The following RLBP1 variants were observed in gnomAD, a reference collection of about 807,000 sequenced individuals.
The protein encoded by RLBP1 is retinaldehyde binding protein 1, also known as retinaldehyde-binding protein 1.
In RLBP1, 26 loss-of-function variants were observed where a neutral mutation model predicts 36.2. That is an observed-to-expected ratio of 0.72 (90% confidence interval 0.53 to 1.00). The LOEUF (loss-of-function observed/expected upper bound fraction) is 1.00, where lower values mean the gene tolerates loss of function less well. Ranked by LOEUF, RLBP1 falls within the 50% of genes least tolerant of loss-of-function variation. The pLI is 0.00. For synonymous variants in RLBP1, 155 were observed against 156.2 expected (o/e 0.99, Z 0.06); for missense variants, 410 against 402.4 (o/e 1.02, Z -0.16).
Position 89,210,601 on chromosome 15 carries a change from C to T in RLBP1, c.795+98G>A. The T allele has an allele frequency of 1.6e-6, 2 of 1,230,336 alleles. No homozygotes were observed. Among genetic ancestry groups the T allele is most frequent in the Middle Eastern group, 3.8e-4 (2 of 5,232 alleles). The allele number at this position is 1,230,336 out of a possible 1,614,324, so 76.2% of individuals were successfully genotyped here. On this transcript the variant is annotated intron_variant, in intron 8 of 8. Transcript: ENST00000268125. The surrounding 1 kb of genome is among the most constrained non-coding windows in gnomAD (Gnocchi z 4.7). ...TCTCCATGTTGGGTGTCAGTGGGAT[C>T]CACATAGCTCAGGACCATGGTAGAG... is the stretch of plus-strand genomic sequence containing the variant.
rs764294999 is a variant in RLBP1 at position 89,210,369 on chromosome 15, C to T, written c.870G>A (p.Gly290=). The stretch of plus-strand genomic sequence containing the variant: ...TGCCATCATACTTGGGCAGCGTGCC[C>T]CCGAAGTCAGAGGGCAGGATGTTCT... ...IDENILPSDF[G]GTLPKYDGKA... The change falls in exon 9 of 9, where the codon GGG becomes GGA. Residue 290 remains glycine, a synonymous_variant. Coordinates refer to ENST00000268125, the MANE Select transcript of RLBP1 (RefSeq NM_000326.5). This position sits in a 1 kb window ranked among gnomAD's most constrained non-coding sequence, Gnocchi z 4.7. The T allele has an allele frequency of 4.3e-6, 7 of 1,614,094 alleles. No homozygotes were observed. The highest frequency in any genetic ancestry group is 5.1e-6 in the Non-Finnish European group (6 of 1,180,046).
chr15:89,215,372 GC>G (rs2051571767), intron 5 of RLBP1, 134 bp from the exon 6 acceptor site: 1 of 765,774 alleles, frequency 1.3e-6, no homozygotes, highest in South Asian at 1.7e-5. Context: ...ACCTATCCGA[GC>G]CCCATGTTTC....
chr15:89,217,173 C>T lies in RLBP1; in HGVS notation c.293G>A (p.Arg98His), dbSNP rs745721289. 12 of 1,613,910 alleles carry T rather than the reference C, an allele frequency of 7.4e-6. No homozygotes were observed. Among genetic ancestry groups the T allele is most frequent in the Admixed American group, 5.0e-5 (3 of 60,000 alleles). The change falls in exon 5 of 9, where the codon CGC becomes CAC. Residue 98 changes from arginine (R) to histidine (H), a missense_variant. By Grantham distance (29) the Arg-to-His change is conservative (BLOSUM62 0). Transcript: ENST00000268125. Reference protein sequence around the residue: ...VQEKDSGFFLRFIRARKFNVG... With the variant: ...VQEKDSGFFLHFIRARKFNVG... ...GTTGAACTTCCGTGCGCGGATGAAG[C>T]GCAGGAAGAAGCCGCTGTCCTTCTC...
chr15:89,220,597 C>A (rs1939839501), intron 1 of RLBP1, among the ~76,000 whole-genome samples: 1 of 151,822 alleles, frequency 6.6e-6, no homozygotes, highest in Non-Finnish European at 1.5e-5. Context: ...CCACAGGAAC[C>A]AAATCTAAGC....
Position 89,213,025 on chromosome 15 carries a change from G to A in RLBP1, c.526-1124C>T, listed in dbSNP as rs545548971. On this transcript the variant is annotated intron_variant, in intron 6 of 8. Coordinates refer to ENST00000268125, the MANE Select transcript of RLBP1 (RefSeq NM_000326.5). ...TGGGATTACAGGCATGAGCCACTGCGCCCAGCCAATTTTTTGTATTTTCTA... is the reference window on the plus strand; with the variant it reads ...TGGGATTACAGGCATGAGCCACTGCACCCAGCCAATTTTTTGTATTTTCTA... Among the ~76,000 whole-genome samples, 11 of 152,118 alleles carry A rather than the reference G, an allele frequency of 7.2e-5. No individual in the cohort carries two copies. In the East Asian group the frequency reaches 1.5e-3, roughly 21 times the overall value.
rs137853290 is a variant in RLBP1, at chr15:89,215,133, C to G, written c.452G>C (p.Arg151Pro). The G allele has an allele frequency of 7.4e-6, 12 of 1,614,206 alleles. No homozygotes were observed. Among genetic ancestry groups the G allele is most frequent in the South Asian group, 2.2e-5 (2 of 91,078 alleles). Residue 151 changes from arginine (R) to proline (P), a missense_variant, in exon 6 of 9, where the codon CGG (arginine) becomes CCG (proline). By Grantham distance (103) the Arg-to-Pro change is moderately radical (BLOSUM62 -2). Coordinates refer to ENST00000268125, the MANE Select transcript of RLBP1 (RefSeq NM_000326.5). Reference protein sequence around the residue: ...EAGYPGVLSSRDKYGRVVMLF... With the variant: ...EAGYPGVLSSPDKYGRVVMLF... Reference sequence around the variant, plus strand: ...CATGACCACTCGGCCATACTTGTCCCGACTAGAGAGGACACCAGGGTAGCC... The same window carrying G: ...CATGACCACTCGGCCATACTTGTCCGGACTAGAGAGGACACCAGGGTAGCC...
chr15:89,211,139 G>A lies in RLBP1; in HGVS notation c.685-330C>T, dbSNP rs756224801. Among the ~76,000 whole-genome samples the A allele has an allele frequency of 9.9e-5, 15 of 152,258 alleles. No individual in the cohort carries two copies. The highest frequency in any genetic ancestry group is 2.1e-4 in the Non-Finnish European group (14 of 68,024). On this transcript the variant is annotated intron_variant, in intron 7 of 8. Transcript: ENST00000268125. The surrounding 1 kb of genome is among the most constrained non-coding windows in gnomAD (Gnocchi z 5.8). ...GTTTTTTCAAACCCACTTGCCTGCC[G>A]AAGGGACTGCAAACTATTACAAACG...
In RLBP1 at chr15:89,210,105, C is replaced by A; in HGVS notation, c.*180G>T. ...CAGTTCTTCTTGTTCAAGGGAATTC[C>A]CCCTCCTTTATTACCCATCCCCCAA... On this transcript the variant is annotated 3_prime_UTR_variant, in exon 9 of 9. Transcript: ENST00000268125. This position sits in a 1 kb window ranked among gnomAD's most constrained non-coding sequence, Gnocchi z 4.7. The A allele has an allele frequency of 1.5e-6, 1 of 667,690 alleles. No homozygotes were observed. Among genetic ancestry groups the A allele is most frequent in the East Asian group, 2.7e-5 (1 of 37,698 alleles). 41.4% of individuals were successfully genotyped at this position (667,690 alleles called of 1,614,324 possible).
chr15:89,216,408 T>C (rs888187002), intron 5 of RLBP1, among the ~76,000 whole-genome samples: 7 of 152,070 alleles, frequency 4.6e-5, no homozygotes, highest in South Asian at 4.2e-4. Flanking sequence ...CCGCAACCTC[T>C]GCCTCCTGCG....
intron 6 of RLBP1, among the ~76,000 whole-genome samples, chr15:89,212,617 TGTGTGCGC>T (rs1470454107): frequency 1.0e-4 from 13 of 124,874 alleles, no homozygotes; most frequent in Non-Finnish European, 6.7e-5. Flanking sequence ...AATGTGTGTG[TGTGTGCGC>T]GTGTGTGTGT....
intron 5 of RLBP1, among the ~76,000 whole-genome samples, chr15:89,216,311 C>T (rs2150970825): frequency 6.7e-6 from 1 of 149,298 alleles, no homozygotes; most frequent in South Asian, 2.1e-4. Flanking sequence ...GGGAACCACC[C>T]CCTTTTTTTT....
Position 89,211,542 on chromosome 15 carries a change from C to T in RLBP1, c.684+201G>A, listed in dbSNP as rs1053601629. ...GAGGGAGAGAATGCTCTCAAGGAGT[C>T]GATGGAAGAATGAAAGGGAATACTT... On this transcript the variant is annotated intron_variant, in intron 7 of 8. Transcript: ENST00000268125. The surrounding 1 kb of genome is among the most constrained non-coding windows in gnomAD (Gnocchi z 5.8). Among the ~76,000 whole-genome samples the T allele has an allele frequency of 4.6e-5, 7 of 152,084 alleles. No individual in the cohort carries two copies. Among genetic ancestry groups the T allele is most frequent in the Non-Finnish European group, 7.4e-5 (5 of 68,014 alleles).
rs1168282961 is a variant in RLBP1, at chr15:89,219,810, T to G, written c.-174A>C. ...AAAAGTTGGACCTGGGTTCAAGTTC[T>G]TCTCTTCCACTTGCAGGCTGTGAGA... On this transcript the variant is annotated 5_prime_UTR_variant, in exon 2 of 9. Coordinates refer to ENST00000268125, the MANE Select transcript of RLBP1 (RefSeq NM_000326.5). The G allele has an allele frequency of 6.6e-6, 1 of 152,356 alleles. No homozygotes were observed. The highest frequency in any genetic ancestry group is 1.5e-5 in the Non-Finnish European group (1 of 68,158). The allele number at this position is 152,356 out of a possible 1,614,324, so 9.4% of individuals were successfully genotyped here. A position where few individuals can be genotyped will look rare whatever the true frequency, so the allele number is the denominator to read the frequency against.
At chr15:89,215,265 C>T (rs1342510510) in intron 5 of RLBP1, 27 bp from the exon 6 acceptor site, 1 of 1,612,534 alleles carries the variant, frequency 6.2e-7, no homozygotes, top group East Asian at 2.2e-5. Flanking sequence ...AGAGGAACCC[C>T]CTCAGGGAGC....
chr15:89,210,792 C>A lies in RLBP1; in HGVS notation c.702G>T (p.Arg234=), dbSNP rs746316188. Residue 234 remains arginine, a synonymous_variant, in exon 8 of 9, where the codon CGG becomes CGT. Coordinates refer to ENST00000268125, the MANE Select transcript of RLBP1 (RefSeq NM_000326.5). The surrounding 1 kb of genome is among the most constrained non-coding windows in gnomAD (Gnocchi z 4.7). ...GGTGGATGAAGTGGATGGCTTTGAA[C>A]CGGGCTGGGAAGGAATCCTGCGGTG... ...VDMLQDSFPA[R]FKAIHFIHQP... 2 of 1,591,590 alleles carry A rather than the reference C, an allele frequency of 1.3e-6. No individual in the cohort carries two copies. Among genetic ancestry groups the A allele is most frequent in the Admixed American group, 1.7e-5 (1 of 57,422 alleles).
chr15:89,213,474 A>G (rs2051554623), intron 6 of RLBP1, among the ~76,000 whole-genome samples: 1 of 152,246 alleles, frequency 6.6e-6, no homozygotes, highest in Non-Finnish European at 1.5e-5. Flanking sequence ...TTATACAAAC[A>G]ATAACCAACT....
In RLBP1 at chr15:89,210,594, G is replaced by T; in HGVS notation, c.795+105C>A. ...CCGCAGGTCTCCATGTTGGGTGTCAGTGGGATCCACATAGCTCAGGACCAT... is the reference window on the plus strand; with the variant it reads ...CCGCAGGTCTCCATGTTGGGTGTCATTGGGATCCACATAGCTCAGGACCAT... On this transcript the variant is annotated intron_variant, in intron 8 of 8. Coordinates refer to ENST00000268125, the MANE Select transcript of RLBP1 (RefSeq NM_000326.5). This position sits in a 1 kb window ranked among gnomAD's most constrained non-coding sequence, Gnocchi z 4.7. 8.1e-7 allele frequency: 1 copy of T among 1,232,520 alleles called. No homozygotes were observed. Among genetic ancestry groups the T allele is most frequent in the Non-Finnish European group, 1.2e-6 (1 of 852,718 alleles). The allele number at this position is 1,232,520 out of a possible 1,614,324, so 76.3% of individuals were successfully genotyped here.
chr15:89,221,046 C>T lies in RLBP1; in HGVS notation c.-224+489G>A, dbSNP rs1289903858. On this transcript the variant is annotated intron_variant, in intron 1 of 8. Transcript: ENST00000268125. ...TTTTGAGATGGAGTTTTGTTCTTGT[C>T]GCCCAGGCTAGAGTGCAATGGTGCG... Among the ~76,000 whole-genome samples the T allele has an allele frequency of 9.1e-5, 11 of 120,232 alleles. No individual in the cohort carries two copies. In the South Asian group the frequency reaches 1.0e-3, roughly 11 times the overall value. 78.9% of individuals were successfully genotyped at this position (120,232 alleles called of 152,430 possible).
At position 89,210,805 on chromosome 15, in the gene RLBP1, G is replaced by A; in HGVS notation, c.689C>T (p.Ser230Phe). Reference protein sequence around the residue: ...LRKMVDMLQDSFPARFKAIHF... With the variant: ...LRKMVDMLQDFFPARFKAIHF... ...GATGGCTTTGAACCGGGCTGGGAAG[G>A]AATCCTGCGGTGACAGAGAGATACC... The change falls in exon 8 of 9, where the codon TCC becomes TTC. Residue 230 changes from serine to phenylalanine, a missense_variant. Coordinates refer to ENST00000268125, the MANE Select transcript of RLBP1 (RefSeq NM_000326.5). The surrounding 1 kb of genome is among the most constrained non-coding windows in gnomAD (Gnocchi z 4.7). 6.3e-7 allele frequency: 1 copy of A among 1,579,366 alleles called. No homozygotes were observed. The highest frequency in any genetic ancestry group is 8.6e-7 in the Non-Finnish European group (1 of 1,159,842).
Sources: gnomAD v4.1 joint callset for allele counts (sites outside exome capture counted in the v4.1 genomes callset) on GRCh38, gnomAD v4.1.1 for gene constraint, Gnocchi (gnomAD v3.1) non-coding constraint, MANE v1.5 for transcripts, NCBI Gene and HGNC (gene_info 2026-07-23, HGNC 2026-07-21) for gene names.